Variants in SOX5 observed in about 807,000 individuals in gnomAD.
SOX5 encodes SRY-box transcription factor 5, also known as transcription factor SOX-5.
A neutral mutation model predicts 92.0 loss-of-function variants in SOX5; 9 were observed. The observed-to-expected ratio is 0.10, with a 90% CI of 0.06 to 0.17. The LOEUF is 0.17. Among genes scored for constraint, SOX5 ranks in the 10% least tolerant of loss-of-function variants. SOX5 has a pLI of 1.00. For synonymous variants in SOX5, 344 were observed against 336.3 expected, an observed-to-expected ratio of 1.02 and a Z score of -0.25; for missense variants, 642 against 944.5, an observed-to-expected ratio of 0.68 and a Z score of 4.20.
chr12:24,263,937 G>A (rs1368409193), intron 3 of SOX5, among the ~76,000 whole-genome samples: 1 of 152,160 alleles, frequency 6.6e-6, no homozygotes, highest in Non-Finnish European at 1.5e-5. Context: ...AGAGTTATTA[G>A]GTTGGAAAAC....
chr12:23,933,063 T>C (rs1233183096), intron 1 of SOX5, among the ~76,000 whole-genome samples: 1 of 151,714 alleles, frequency 6.6e-6, no homozygotes, highest in Non-Finnish European at 1.5e-5. Context: ...AGATGACTTG[T>C]ATTAGATCCC....
At chr12:24,490,275 C>A (rs559531249) in intron 1 of SOX5, among the ~76,000 whole-genome samples, 2 of 152,136 alleles carry the variant, frequency 1.3e-5, no homozygotes, top group Non-Finnish European at 2.9e-5. Context: ...TGAACTTGTA[C>A]GGAGTTCTTA....
At chr12:24,489,821 T>C (rs929179822) in intron 1 of SOX5, among the ~76,000 whole-genome samples, 6 of 152,204 alleles carry the variant, frequency 3.9e-5, no homozygotes, top group African/African-American at 1.2e-4. Flanking sequence ...AAGGGGTGTA[T>C]GCTTTAACTT....
At chr12:23,744,873 C>T (rs988928618) in intron 4 of SOX5, among the ~76,000 whole-genome samples, 2 of 152,134 alleles carry the variant, frequency 1.3e-5, no homozygotes, top group African/African-American at 4.8e-5. Flanking sequence ...ATTAAGTTGT[C>T]AACAGGGTTG....
chr12:24,212,716 C>G (rs1278717190), intron 4 of SOX5, among the ~76,000 whole-genome samples: 1 of 152,192 alleles, frequency 6.6e-6, no homozygotes, highest in Non-Finnish European at 1.5e-5. Flanking sequence ...CTAAAACTAA[C>G]CTTGCACAAT....
At chr12:23,740,471 G>A (rs756134326) in intron 5 of SOX5, among the ~76,000 whole-genome samples, 1 of 152,110 alleles carries the variant, frequency 6.6e-6, no homozygotes, top group Non-Finnish European at 1.5e-5. Context: ...GCCCCCAGCT[G>A]GAAACTCACT....
At chr12:24,415,669 G>C (rs1964902146) in intron 1 of SOX5, among the ~76,000 whole-genome samples, 1 of 152,166 alleles carries the variant, frequency 6.6e-6, no homozygotes, top group Non-Finnish European at 1.5e-5. Flanking sequence ...CTATAAATAA[G>C]ATGAAATTTC....
chr12:23,754,485 A>G (rs894222715), intron 4 of SOX5, among the ~76,000 whole-genome samples: 1 of 151,828 alleles, frequency 6.6e-6, no homozygotes, highest in Non-Finnish European at 1.5e-5. Flanking sequence ...ATTTGATTCC[A>G]TTGTAGATTT....
At chr12:24,558,002 G>A (rs1271015988) in intron 1 of SOX5, among the ~76,000 whole-genome samples, 2 of 152,144 alleles carry the variant, frequency 1.3e-5, no homozygotes, top group African/African-American at 4.8e-5. Context: ...TGCCTATAAG[G>A]TATGATTTGA....
chr12:24,061,426 T>C (rs1036622911), intron 4 of SOX5, among the ~76,000 whole-genome samples: 3 of 150,688 alleles, frequency 2.0e-5, no homozygotes, highest in Admixed American at 2.0e-4. Context: ...GTCACAATGT[T>C]TGGTCATATC....
At position 24,001,177 on chromosome 12, in the gene SOX5, AC is replaced by A. The variant is rs564610635; in HGVS notation, c.-1-105154del. ...ACAATCATGGCTCACTACAGCCTCA[AC>A]CTCCTGGGCTCCAGTGATCCACCTG... On this transcript the variant is annotated intron_variant, in intron 4 of 4. Transcript: ENST00000446891. Among the ~76,000 whole-genome samples, 1,190 of 152,162 alleles carry A rather than the reference AC, an allele frequency of 7.8e-3. 17 individuals are homozygous for A. Among genetic ancestry groups the A allele is most frequent in the African/African-American group, 0.028 (1,151 of 41,508 alleles).
At chr12:24,195,967 C>T (rs1956973385) in intron 4 of SOX5, among the ~76,000 whole-genome samples, 1 of 152,200 alleles carries the variant, frequency 6.6e-6, no homozygotes, top group East Asian at 1.9e-4. Context: ...TCACTGCAAC[C>T]TCTGCCTCCC....
intron 1 of SOX5, among the ~76,000 whole-genome samples, chr12:24,389,013 A>T (rs1596192696): frequency 1.3e-5 from 2 of 152,040 alleles, no homozygotes; most frequent in Admixed American, 1.3e-4. Context: ...TGTGCAGGTT[A>T]GTTACATATG....
chr12:23,706,649 A>C (rs1010319924), intron 6 of SOX5, among the ~76,000 whole-genome samples: 1 of 152,078 alleles, frequency 6.6e-6, no homozygotes, highest in Non-Finnish European at 1.5e-5. Context: ...AATAGGGCTA[A>C]AATTTTAAGT....
chr12:23,771,187 C>CAAAAAAAAAAAAA (rs376988688), intron 3 of SOX5, among the ~76,000 whole-genome samples: 4 of 108,588 alleles, frequency 3.7e-5, no homozygotes, highest in Middle Eastern at 4.4e-3. Context: ...AAAAATGGAG[C>CAAAAAAAAAAAAA]AAAAAAAAAA....
intron 6 of SOX5, among the ~76,000 whole-genome samples, chr12:23,732,281 T>A (rs2140870586): frequency 6.6e-6 from 1 of 152,286 alleles, no homozygotes; most frequent in Middle Eastern, 3.4e-3. Context: ...TCTACATTTT[T>A]AATGTCCTAT....
At chr12:24,217,149 G>A (rs887845974) in intron 3 of SOX5, among the ~76,000 whole-genome samples, 1 of 152,170 alleles carries the variant, frequency 6.6e-6, no homozygotes, top group Non-Finnish European at 1.5e-5. Context: ...AGATAGCTAA[G>A]TTGTTCTAGT....
intron 7 of SOX5, among the ~76,000 whole-genome samples, chr12:23,663,830 A>C (rs1593074369): frequency 1.3e-5 from 2 of 152,192 alleles, no homozygotes; most frequent in Non-Finnish European, 2.9e-5. Flanking sequence ...TTTAGAATGA[A>C]TATAGTATTT....
intron 4 of SOX5, among the ~76,000 whole-genome samples, chr12:24,144,264 T>G (rs1950862066): frequency 6.6e-6 from 1 of 152,140 alleles, no homozygotes; most frequent in Non-Finnish European, 1.5e-5. Context: ...CTGAATGATT[T>G]TAACACCAGC....
Sources: allele counts gnomAD v4.1 joint callset (sites outside exome capture counted in the v4.1 genomes callset), GRCh38; gene constraint gnomAD v4.1.1; transcripts MANE v1.5; gene names NCBI Gene and HGNC (gene_info 2026-07-23, HGNC 2026-07-21).